Variants in SPOCK3 observed in about 807,000 individuals in gnomAD.
The protein encoded by SPOCK3 is SPARC (osteonectin), cwcv and kazal like domains proteoglycan 3.
In SPOCK3, 30 loss-of-function variants were observed where a neutral mutation model predicts 56.6. The ratio of observed to expected loss-of-function variants is 0.53; its 90% CI spans 0.40 to 0.72. SPOCK3 has a LOEUF of 0.72. Among genes scored for constraint, SPOCK3 ranks in the 30% least tolerant of loss-of-function variants. The probability of loss-of-function intolerance (pLI) is 0.00; values close to 1 mark genes in which losing one functional copy is unlikely to be tolerated. For missense variants in SPOCK3, 527 were observed against 530.0 expected, an observed-to-expected ratio of 0.99 and a Z score of 0.06; for synonymous variants, 196 against 183.3, an observed-to-expected ratio of 1.07 and a Z score of -0.56.
At chr4:166,821,991 G>A (rs1173316824) in intron 6 of SPOCK3, among the ~76,000 whole-genome samples, 3 of 151,972 alleles carry the variant, frequency 2.0e-5, no homozygotes, top group African/African-American at 7.2e-5. Context: ...AAATGATCGA[G>A]TAGGTATTTA....
intron 2 of SPOCK3, among the ~76,000 whole-genome samples, chr4:167,084,847 A>G (rs1758043272): frequency 6.6e-6 from 1 of 152,144 alleles, no homozygotes; most frequent in Non-Finnish European, 1.5e-5. Context: ...ATTTATAAAT[A>G]TATTAAAAAT....
At chr4:167,051,780 A>G (rs1425175333) in intron 3 of SPOCK3, among the ~76,000 whole-genome samples, 1 of 152,226 alleles carries the variant, frequency 6.6e-6, no homozygotes, top group Non-Finnish European at 1.5e-5. Flanking sequence ...GCGCCTGTCA[A>G]AAGAGCAGTG....
intron 6 of SPOCK3, among the ~76,000 whole-genome samples, chr4:166,824,354 T>C (rs542959146): frequency 6.6e-6 from 1 of 152,212 alleles, no homozygotes; most frequent in African/African-American, 2.4e-5. Context: ...CCAACATTGA[T>C]TGCTGCCATC....
intron 6 of SPOCK3, among the ~76,000 whole-genome samples, chr4:166,805,017 A>G (rs1743010472): frequency 3.3e-5 from 5 of 152,166 alleles, no homozygotes; most frequent in Admixed American, 3.3e-4. Context: ...TTGAGATAAT[A>G]TCTAGTATCA....
intron 3 of SPOCK3, among the ~76,000 whole-genome samples, chr4:167,056,640 C>A (rs1391190582): frequency 3.3e-5 from 5 of 152,102 alleles, no homozygotes; most frequent in Admixed American, 6.5e-5. Context: ...GTGAAGAATG[C>A]AGAAGCCTCA....
chr4:166,736,182 A>C (rs1337765381), intron 10 of SPOCK3, among the ~76,000 whole-genome samples: 1 of 152,112 alleles, frequency 6.6e-6, no homozygotes, highest in Non-Finnish European at 1.5e-5. Flanking sequence ...TTAGTTCTCC[A>C]ACTTCATCTA....
At chr4:167,164,222 CAAAAT>C (rs1190534758) in intron 2 of SPOCK3, among the ~76,000 whole-genome samples, 4 of 151,858 alleles carry the variant, frequency 2.6e-5, no homozygotes, top group Non-Finnish European at 5.9e-5. Flanking sequence ...TTGTATCACT[CAAAAT>C]AAGTAACATT....
At chr4:167,048,578 T>C (rs1392155180) in intron 3 of SPOCK3, among the ~76,000 whole-genome samples, 2 of 152,132 alleles carry the variant, frequency 1.3e-5, no homozygotes, top group East Asian at 3.9e-4. Flanking sequence ...AAAAACGTAT[T>C]TTCAGCTAAC....
At chr4:166,787,669 CT>C (rs1740880555) in intron 7 of SPOCK3, among the ~76,000 whole-genome samples, 1 of 152,060 alleles carries the variant, frequency 6.6e-6, no homozygotes, top group Non-Finnish European at 1.5e-5. Context: ...CTAAGAATAA[CT>C]CTGTTTTAAA....
chr4:167,104,313 G>A (rs931872844), intron 2 of SPOCK3, among the ~76,000 whole-genome samples: 1 of 152,130 alleles, frequency 6.6e-6, no homozygotes, highest in Non-Finnish European at 1.5e-5. Context: ...TAGCTCTTTT[G>A]AGGAAATCCA....
At chr4:167,133,974 T>C (rs1309922486) in intron 2 of SPOCK3, among the ~76,000 whole-genome samples, 1 of 151,984 alleles carries the variant, frequency 6.6e-6, no homozygotes, top group African/African-American at 2.4e-5. Context: ...AGGCATGCTA[T>C]ATTTATTATG....
At chr4:166,778,118 C>T (rs1168197544) in intron 7 of SPOCK3, among the ~76,000 whole-genome samples, 1 of 152,160 alleles carries the variant, frequency 6.6e-6, no homozygotes, top group Non-Finnish European at 1.5e-5. Flanking sequence ...AATTGTCAAG[C>T]AATGTCTCTT....
chr4:167,108,560 G>A (rs1422581732), intron 2 of SPOCK3, among the ~76,000 whole-genome samples: 1 of 151,778 alleles, frequency 6.6e-6, no homozygotes, highest in Non-Finnish European at 1.5e-5. Flanking sequence ...GGCACAGAGA[G>A]ATGAAACTTC....
chr4:166,819,050 C>A (rs1744660544), intron 6 of SPOCK3, among the ~76,000 whole-genome samples: 1 of 151,930 alleles, frequency 6.6e-6, no homozygotes, highest in Admixed American at 6.6e-5. Flanking sequence ...AACAATAAAG[C>A]AAATCCAAAT....
chr4:166,735,595 T>TAAA (rs112741645), intron 10 of SPOCK3, among the ~76,000 whole-genome samples: 8 of 145,702 alleles, frequency 5.5e-5, no homozygotes, highest in African/African-American at 2.0e-4. Flanking sequence ...GTTCTTAAAA[T>TAAA]AAAAAAAAAA....
chr4:166,782,305 T>C (rs867723868), intron 7 of SPOCK3, among the ~76,000 whole-genome samples: 26 of 152,126 alleles, frequency 1.7e-4, no homozygotes, highest in Admixed American at 5.9e-4. Flanking sequence ...ATAATGTATC[T>C]TAAAAGAGTC....
chr4:167,140,928 G>T (rs1041065527), intron 2 of SPOCK3, among the ~76,000 whole-genome samples: 7 of 151,970 alleles, frequency 4.6e-5, no homozygotes, highest in African/African-American at 1.7e-4. Context: ...CCATGTTCAT[G>T]TGCACATTGA....
chr4:166,912,018 A>T (rs150647342), intron 5 of SPOCK3, among the ~76,000 whole-genome samples: 1 of 152,300 alleles, frequency 6.6e-6, no homozygotes, highest in East Asian at 1.9e-4. Context: ...AAATTTATCA[A>T]TGTCTTATTT....
chr4:166,974,452 AT>A (rs1270017517), intron 4 of SPOCK3, among the ~76,000 whole-genome samples: 4 of 152,180 alleles, frequency 2.6e-5, no homozygotes, highest in Non-Finnish European at 4.4e-5. Flanking sequence ...TGTGCATATT[AT>A]TTTGCTAATC....
Sources: gnomAD v4.1 joint callset for allele counts (sites outside exome capture counted in the v4.1 genomes callset) on GRCh38, gnomAD v4.1.1 for gene constraint, MANE v1.5 for transcripts, NCBI Gene and HGNC (gene_info 2026-07-23, HGNC 2026-07-21) for gene names.